MCC: variants seen among roughly 807,000 people sequenced by gnomAD.
MCC encodes MCC regulator of Wnt signaling pathway, also known as colorectal mutant cancer protein.
In MCC, 90 loss-of-function variants were observed where a neutral mutation model predicts 116.2. The observed-to-expected ratio is 0.77, with a 90% CI of 0.65 to 0.92. MCC has a LOEUF of 0.92. Ranked by LOEUF, MCC falls within the 40% of genes least tolerant of loss-of-function variation. The pLI is 0.00. For synonymous variants in MCC, 578 were observed against 510.5 expected (o/e 1.13, Z -1.78); for missense variants, 1,516 against 1,312.2 (o/e 1.16, Z -2.40).
chr5:113,170,483 A>T (rs1010327399), intron 3 of MCC, among the ~76,000 whole-genome samples: 5 of 151,974 alleles, frequency 3.3e-5, no homozygotes, highest in African/African-American at 1.2e-4. Flanking sequence ...GTCCCACAGT[A>T]CCCAGCCTTT....
intron 15 of MCC, among the ~76,000 whole-genome samples, chr5:113,053,460 C>T (rs942257757): frequency 7.9e-5 from 12 of 152,138 alleles, no homozygotes; most frequent in African/African-American, 2.4e-4. Context: ...AGAGGTCTGA[C>T]CTGGCTTCTC....
chr5:113,382,486 T>C (rs993792745), intron 2 of MCC, among the ~76,000 whole-genome samples: 4 of 152,018 alleles, frequency 2.6e-5, no homozygotes, highest in African/African-American at 9.7e-5. Flanking sequence ...ACTTGTGACC[T>C]CAAGTGATCC....
intron 11 of MCC, among the ~76,000 whole-genome samples, chr5:113,075,441 C>T (rs536620587): frequency 6.6e-5 from 10 of 152,336 alleles, no homozygotes; most frequent in East Asian, 1.9e-4. Flanking sequence ...ACGGGACTGG[C>T]GGGCAGCTCC....
At position 113,084,102 on chromosome 5, in the gene MCC, C is replaced by A. The variant is rs748910284; in HGVS notation, c.1634G>T (p.Gly545Val). ...GCCTTGCTTCTCATGAACACTCACC[C>A]CTATGCTACTGATTTCTGAGCCCAG... The part of the protein sequence containing the change: ...PVLGSEISSI[G>V]VSSSVAEHLA... The change falls in exon 10 of 19, where the codon GGG becomes GTG. Residue 545 changes from glycine (G) to valine (V), a missense_variant and splice_region_variant. Physicochemically the swap from Gly to Val is moderately radical, Grantham distance 109. Transcript: ENST00000408903. 3 of 1,613,820 alleles carry A rather than the reference C, an allele frequency of 1.9e-6. No individual in the cohort carries two copies. Among genetic ancestry groups the A allele is most frequent in the Non-Finnish European group, 2.5e-6 (3 of 1,179,738 alleles).
chr5:113,391,599 T>A (rs1769402151), intron 1 of MCC, among the ~76,000 whole-genome samples: 1 of 152,054 alleles, frequency 6.6e-6, no homozygotes, highest in African/African-American at 2.4e-5. Context: ...CACACTGTAG[T>A]CTCAGCTACT....
At chr5:113,152,109 C>G (rs1371357693) in intron 3 of MCC, among the ~76,000 whole-genome samples, 2 of 152,172 alleles carry the variant, frequency 1.3e-5, no homozygotes, top group Non-Finnish European at 2.9e-5. Flanking sequence ...AAAGACAAAC[C>G]AAGGATCAAC....
intron 3 of MCC, among the ~76,000 whole-genome samples, chr5:113,238,091 T>G (rs1764198606): frequency 6.6e-6 from 1 of 152,196 alleles, no homozygotes; most frequent in Non-Finnish European, 1.5e-5. Flanking sequence ...CAGCTATATC[T>G]GGCTTCCCTC....
intron 3 of MCC, among the ~76,000 whole-genome samples, chr5:113,311,800 C>T (rs971630971): frequency 7.9e-5 from 12 of 151,526 alleles, no homozygotes; most frequent in South Asian, 6.3e-4. Context: ...GGTAAAACCC[C>T]GTCTCTACTA....
intron 3 of MCC, among the ~76,000 whole-genome samples, chr5:113,214,908 G>C (rs2150325476): frequency 6.6e-6 from 1 of 152,232 alleles, no homozygotes; most frequent in East Asian, 1.9e-4. Context: ...TGCTCTACTG[G>C]CACCTGGTTC....
chr5:113,027,696 G>C (rs962267892), intron 18 of MCC, among the ~76,000 whole-genome samples: 1 of 151,760 alleles, frequency 6.6e-6, no homozygotes, highest in African/African-American at 2.4e-5. Flanking sequence ...TAACCCTGAT[G>C]AATCCAGCCG....
At chr5:113,426,907 C>T (rs1237092843) in intron 1 of MCC, among the ~76,000 whole-genome samples, 2 of 152,158 alleles carry the variant, frequency 1.3e-5, no homozygotes, top group Admixed American at 6.5e-5. Flanking sequence ...TCCCTCAGTA[C>T]TCCTGTTTGG....
intron 3 of MCC, among the ~76,000 whole-genome samples, chr5:113,288,408 T>C (rs1766345606): frequency 1.3e-5 from 2 of 152,082 alleles, no homozygotes; most frequent in Admixed American, 6.6e-5. Flanking sequence ...GGGTCACAGG[T>C]TGTAATATTC....
At chr5:113,345,137 G>C (rs1035431569) in intron 2 of MCC, among the ~76,000 whole-genome samples, 3 of 152,176 alleles carry the variant, frequency 2.0e-5, no homozygotes, top group Non-Finnish European at 4.4e-5. Flanking sequence ...AACTCACCAT[G>C]GGTCAGTGGT....
chr5:113,143,361 C>G lies in MCC; in HGVS notation c.742-1G>C. On this transcript the variant is annotated splice_acceptor_variant, in intron 4 of 18. Coordinates refer to ENST00000408903, the MANE Select transcript of MCC (RefSeq NM_001085377.2). LOFTEE classifies it high-confidence loss of function. ...CTCTCATGAGGTGGGACTGCTCGCA[C>G]TGGGAATAAGGGAAAAGGACAGAAG... The G allele has an allele frequency of 6.2e-7, 1 of 1,613,606 alleles. No homozygotes were observed. The highest frequency in any genetic ancestry group is 1.1e-5 in the South Asian group (1 of 90,968).
intron 5 of MCC, among the ~76,000 whole-genome samples, chr5:113,142,395 A>AT (rs1348144873): frequency 6.6e-6 from 1 of 151,914 alleles, no homozygotes; most frequent in African/African-American, 2.4e-5. Context: ...GCTTAGTGTC[A>AT]TTTAAAGCAA....
chr5:113,228,331 A>G (rs538339743), intron 3 of MCC, among the ~76,000 whole-genome samples: 1 of 151,404 alleles, frequency 6.6e-6, no homozygotes, highest in Admixed American at 6.6e-5. Context: ...CACCTACCAT[A>G]CACACACACA....
rs374929182 is a variant in MCC, at chr5:113,482,375, C to T, written c.170+5870G>A. On this transcript the variant is annotated intron_variant, in intron 1 of 18. Transcript: ENST00000408903. The stretch of plus-strand genomic sequence containing the variant: ...TAGCTGCATCATTTCACATTGCTAT[C>T]GGCAATATAGAAGGGTTCTGATTTC... Among the ~76,000 whole-genome samples, 29 of 152,244 alleles carry T rather than the reference C, an allele frequency of 1.9e-4. No homozygotes were observed. The South Asian group carries it at 5.2e-3, about 27-fold the overall frequency.
intron 1 of MCC, among the ~76,000 whole-genome samples, chr5:113,477,084 A>G (rs1246578293): frequency 1.3e-5 from 2 of 152,202 alleles, no homozygotes; most frequent in Admixed American, 6.5e-5. Flanking sequence ...ATTCTATAAT[A>G]AAAATTCCTT....
intron 3 of MCC, among the ~76,000 whole-genome samples, chr5:113,180,220 T>C (rs930067936): frequency 5.3e-5 from 8 of 152,228 alleles, no homozygotes; most frequent in Non-Finnish European, 1.2e-4. Flanking sequence ...TTCTCATTTC[T>C]ACTCCCTTTG....
Sources: allele counts gnomAD v4.1 joint callset (sites outside exome capture counted in the v4.1 genomes callset), GRCh38; gene constraint gnomAD v4.1.1; transcripts MANE v1.5; gene names NCBI Gene and HGNC (gene_info 2026-07-23, HGNC 2026-07-21).